Variants in FRMD5 observed in about 807,000 individuals in gnomAD.
FRMD5 encodes the protein FERM domain-containing protein 5.
In FRMD5, 20 loss-of-function variants were observed where a neutral mutation model predicts 69.0. The observed-to-expected ratio is 0.29, with a 90% CI of 0.20 to 0.42. The LOEUF is 0.42. Ranked by LOEUF, FRMD5 falls within the 10% of genes least tolerant of loss-of-function variation. The pLI, the probability that FRMD5 is intolerant of heterozygous loss-of-function variation, is 1.00. For synonymous variants in FRMD5, 271 were observed against 260.1 expected, an observed-to-expected ratio of 1.04 and a Z score of -0.40; for missense variants, 595 against 708.6, an observed-to-expected ratio of 0.84 and a Z score of 1.82.
At chr15:44,192,843 T>C (rs1007087972) in intron 1 of FRMD5, among the ~76,000 whole-genome samples, 1 of 152,188 alleles carries the variant, frequency 6.6e-6, no homozygotes, top group Admixed American at 6.5e-5. Context: ...GCACAATCAT[T>C]AACATGTCTA....
At chr15:44,043,355 T>C (rs554850869) in intron 1 of FRMD5, among the ~76,000 whole-genome samples, 13 of 152,306 alleles carry the variant, frequency 8.5e-5, no homozygotes, top group African/African-American at 2.9e-4. Context: ...CTGCCTAAAG[T>C]AATTTACAGA....
chr15:44,016,090 C>G (rs1890944907), intron 1 of FRMD5, among the ~76,000 whole-genome samples: 1 of 152,146 alleles, frequency 6.6e-6, no homozygotes, highest in Non-Finnish European at 1.5e-5. Flanking sequence ...GCTTCAAAAC[C>G]CAGCCACTTA....
chr15:44,037,291 T>A (rs968473310), intron 1 of FRMD5, among the ~76,000 whole-genome samples: 6 of 152,128 alleles, frequency 3.9e-5, no homozygotes, highest in African/African-American at 1.4e-4. Context: ...TCCAGCTTCA[T>A]CCATATCCCT....
At chr15:43,951,184 G>A (rs1292393729) in intron 1 of FRMD5, among the ~76,000 whole-genome samples, 1 of 152,080 alleles carries the variant, frequency 6.6e-6, no homozygotes, top group Non-Finnish European at 1.5e-5. Context: ...ACTTTGGGAG[G>A]CCAAGGTGGG....
chr15:43,943,264 G>T (rs1231614365), intron 1 of FRMD5, among the ~76,000 whole-genome samples: 1 of 152,120 alleles, frequency 6.6e-6, no homozygotes, highest in Non-Finnish European at 1.5e-5. Context: ...AAAGAAAAAA[G>T]AGACAGGGTT....
chr15:44,105,151 A>G (rs1199523424), intron 1 of FRMD5, among the ~76,000 whole-genome samples: 4 of 148,052 alleles, frequency 2.7e-5, no homozygotes, highest in African/African-American at 1.0e-4. Context: ...GTTACAACTC[A>G]CTGCAGCCTC....
At chr15:44,186,512 G>C (rs2078104684) in intron 1 of FRMD5, among the ~76,000 whole-genome samples, 1 of 152,180 alleles carries the variant, frequency 6.6e-6, no homozygotes, top group South Asian at 2.1e-4. Flanking sequence ...CTAATGATTT[G>C]GCTTTTTCCT....
chr15:44,195,174 C>T lies in FRMD5; in HGVS notation c.-120G>A. 1 of 695,136 alleles carries T rather than the reference C, an allele frequency of 1.4e-6. No individual in the cohort carries two copies. The highest frequency in any genetic ancestry group is 2.0e-5 in the South Asian group (1 of 49,834). 43.1% of individuals were successfully genotyped at this position (695,136 alleles called of 1,614,324 possible). ...CTGCACCATCACCCCGGCCCCGTCG[C>T]TGCCGTTGCCTCCTGCTGGCCTCGT... is the stretch of plus-strand genomic sequence containing the variant. On this transcript the variant is annotated 5_prime_UTR_variant, in exon 1 of 14. Coordinates refer to ENST00000417257, the MANE Select transcript of FRMD5 (RefSeq NM_032892.5).
chr15:43,986,424 T>C (rs1889395679), intron 1 of FRMD5, among the ~76,000 whole-genome samples: 1 of 152,238 alleles, frequency 6.6e-6, no homozygotes. Context: ...TAAGGGACTC[T>C]AGATATGCAC....
chr15:43,973,674 G>T (rs1379913716), intron 1 of FRMD5, among the ~76,000 whole-genome samples: 1 of 152,016 alleles, frequency 6.6e-6, no homozygotes, highest in Non-Finnish European at 1.5e-5. Context: ...GGTCACTAAT[G>T]TTCTTTAAGT....
chr15:43,966,186 C>T lies in FRMD5; in HGVS notation c.103-41877G>A, dbSNP rs576529898. Among the ~76,000 whole-genome samples, 5 of 151,850 alleles carry T rather than the reference C, an allele frequency of 3.3e-5. No homozygotes were observed. The South Asian group carries it at 6.3e-4, about 19-fold the overall frequency. ...AGGAGTTCGAGACCAGCCTGACCAA[C>T]GTGGTGAAACCGCATCTCTAATAAA... On this transcript the variant is annotated intron_variant, in intron 1 of 13. Coordinates refer to ENST00000417257, the MANE Select transcript of FRMD5 (RefSeq NM_032892.5).
intron 1 of FRMD5, among the ~76,000 whole-genome samples, chr15:43,965,305 C>G (rs8037740): frequency 0.016 from 2,415 of 152,268 alleles, 69 homozygotes; most frequent in African/African-American, 0.056. Flanking sequence ...CTGATGTGCA[C>G]TAGGATGATA....
At chr15:43,950,731 C>T (rs1280671272) in intron 1 of FRMD5, among the ~76,000 whole-genome samples, 1 of 152,168 alleles carries the variant, frequency 6.6e-6, no homozygotes, top group Non-Finnish European at 1.5e-5. Flanking sequence ...CTGGGACATC[C>T]TTACCAGCGA....
intron 1 of FRMD5, among the ~76,000 whole-genome samples, chr15:44,185,896 A>AATTCACT (rs1375496787): frequency 2.0e-5 from 3 of 151,892 alleles, no homozygotes; most frequent in East Asian, 3.9e-4. Flanking sequence ...TCCTTATGTG[A>AATTCACT]ATTCACTAAT....
chr15:44,071,649 A>C (rs1324497643), intron 1 of FRMD5, among the ~76,000 whole-genome samples: 1 of 152,034 alleles, frequency 6.6e-6, no homozygotes, highest in Non-Finnish European at 1.5e-5. Context: ...TCCAGAGTTG[A>C]TTTTTTGAAC....
intron 1 of FRMD5, among the ~76,000 whole-genome samples, chr15:43,927,795 G>A (rs908092195): frequency 2.0e-5 from 3 of 151,666 alleles, no homozygotes; most frequent in Non-Finnish European, 4.4e-5. Context: ...TGAGTTTTAC[G>A]GGCTGAAGAA....
chr15:43,995,851 C>T (rs1240206802), intron 1 of FRMD5, among the ~76,000 whole-genome samples: 1 of 152,036 alleles, frequency 6.6e-6, no homozygotes, highest in Non-Finnish European at 1.5e-5. Flanking sequence ...CCTTGGTCCA[C>T]ATGGATGTTC....
At chr15:43,897,046 A>G (rs974116006) in intron 7 of FRMD5, among the ~76,000 whole-genome samples, 5 of 152,132 alleles carry the variant, frequency 3.3e-5, no homozygotes, top group African/African-American at 9.7e-5. Flanking sequence ...GACAGCTCAG[A>G]AAGGAATTCC....
chr15:43,977,194 G>A (rs58278421), intron 1 of FRMD5, among the ~76,000 whole-genome samples: 4,311 of 152,190 alleles, frequency 0.028, 175 homozygotes, highest in African/African-American at 0.088. Context: ...GAACTGCAGG[G>A]GGCTGGGGAA....
Sources: gnomAD v4.1 joint callset for allele counts (sites outside exome capture counted in the v4.1 genomes callset) on GRCh38, gnomAD v4.1.1 for gene constraint, MANE v1.5 for transcripts, NCBI Gene and HGNC (gene_info 2026-07-23, HGNC 2026-07-21) for gene names.